HDAC8: variants seen among roughly 807,000 people sequenced by gnomAD.
HDAC8 encodes the protein histone deacetylase 8.
Under a neutral mutation model 32.2 loss-of-function variants are expected in HDAC8, and 1 was observed. That is an observed-to-expected ratio of 0.03 (90% CI 0.01 to 0.15). HDAC8 has a LOEUF of 0.15. Ranked by LOEUF, HDAC8 falls within the 10% of genes least tolerant of loss-of-function variation. The probability of loss-of-function intolerance (pLI) is 1.00; values close to 1 mark genes in which losing one functional copy is unlikely to be tolerated. For synonymous variants in HDAC8, 108 were observed against 113.9 expected (o/e 0.95, Z 0.33); for missense variants, 117 against 300.0 (o/e 0.39, Z 4.51).
chrX:72,443,562 A>G (rs1405287670), intron 9 of HDAC8, among the ~76,000 whole-genome samples: 1 of 111,918 alleles, frequency 8.9e-6, no homozygotes, highest in Non-Finnish European at 1.9e-5. Flanking sequence ...TTATAGCACT[A>G]AATGCCCACA....
intron 4 of HDAC8, among the ~76,000 whole-genome samples, chrX:72,545,767 C>T (rs186542135): frequency 1.7e-4 from 19 of 111,970 alleles, no homozygotes; most frequent in African/African-American, 4.2e-4. Flanking sequence ...TTGGTTTTGT[C>T]TAGTGATGTG....
chrX:72,350,891 G>GAAGGAGGCTAGGCCAGC (rs1332023566), intron 10 of HDAC8, among the ~76,000 whole-genome samples: 1 of 111,810 alleles, frequency 8.9e-6, no homozygotes, highest in Non-Finnish European at 1.9e-5. Context: ...GCTAGGCCGG[G>GAAGGAGGCTAGGCCAGC]AAGGAGGCTA....
intron 9 of HDAC8, among the ~76,000 whole-genome samples, chrX:72,439,576 G>A (rs782423864): frequency 4.4e-4 from 45 of 102,637 alleles, no homozygotes; most frequent in African/African-American, 1.1e-3. Context: ...CCCATCTCAC[G>A]TGCAAAGACA....
At chrX:72,512,621 G>A (rs2049625282) in intron 4 of HDAC8, among the ~76,000 whole-genome samples, 1 of 110,727 alleles carries the variant, frequency 9.0e-6, no homozygotes, top group South Asian at 3.9e-4. Flanking sequence ...TTTTACAATT[G>A]AGAAACAAAT....
At chrX:72,521,746 T>C (rs2147370077) in intron 4 of HDAC8, among the ~76,000 whole-genome samples, 1 of 111,642 alleles carries the variant, frequency 9.0e-6, no homozygotes, top group African/African-American at 3.3e-5. Context: ...CTTTATTTCC[T>C]TATTGTTCAT....
intron 9 of HDAC8, among the ~76,000 whole-genome samples, chrX:72,412,044 A>G (rs2046210942): frequency 8.9e-6 from 1 of 112,398 alleles, no homozygotes; most frequent in Non-Finnish European, 1.9e-5. Flanking sequence ...GCTCCAAGAA[A>G]TGGCTCTGGG....
intron 9 of HDAC8, among the ~76,000 whole-genome samples, chrX:72,431,916 G>T (rs1247042889): frequency 8.9e-6 from 1 of 111,917 alleles, no homozygotes; most frequent in African/African-American, 3.2e-5. Flanking sequence ...GCTTAGAGAG[G>T]TGAAGGCATT....
At chrX:72,535,006 A>G (rs1556038339) in intron 4 of HDAC8, among the ~76,000 whole-genome samples, 1 of 111,806 alleles carries the variant, frequency 8.9e-6, no homozygotes, top group Non-Finnish European at 1.9e-5. Flanking sequence ...GACAAGGGTC[A>G]TTTTTCTAGC....
Position 72,380,369 on chromosome X carries a change from G to C in HDAC8, c.1006-28531C>G, listed in dbSNP as rs144530288. On this transcript the variant is annotated intron_variant, in intron 9 of 10. Transcript: ENST00000373573. Reference sequence around the variant, plus strand: ...AGCCTTGCAAGTGGGGTCTTTCAAGGAACCACTAGACAGGCCAAATATTAA... The same window carrying C: ...AGCCTTGCAAGTGGGGTCTTTCAAGCAACCACTAGACAGGCCAAATATTAA... 5.8e-3 allele frequency among the ~76,000 whole-genome samples: 644 copies of C among 111,781 alleles called. 11 individuals carry two copies. The highest frequency in any genetic ancestry group is 0.02 in the African/African-American group (627 of 30,802).
At chrX:72,476,483 C>T (rs1197464800) in intron 7 of HDAC8, among the ~76,000 whole-genome samples, 2 of 111,391 alleles carry the variant, frequency 1.8e-5, no homozygotes, top group African/African-American at 3.3e-5. Context: ...ATAGTGTAGA[C>T]TGCATTCTGC....
chrX:72,388,609 C>T (rs2045524783), intron 9 of HDAC8, among the ~76,000 whole-genome samples: 1 of 108,426 alleles, frequency 9.2e-6, no homozygotes, highest in Non-Finnish European at 1.9e-5. Flanking sequence ...CACACACACA[C>T]ACACACACAC....
intron 9 of HDAC8, among the ~76,000 whole-genome samples, chrX:72,445,389 A>G (rs1371807005): frequency 8.9e-6 from 1 of 111,896 alleles, no homozygotes; most frequent in African/African-American, 3.3e-5. Flanking sequence ...CATATCTACA[A>G]CTATCTGATC....
In HDAC8 at chrX:72,441,825, C is replaced by G. The variant is rs1263915492; in HGVS notation, c.1005+20179G>C. 2.2e-4 allele frequency among the ~76,000 whole-genome samples: 24 copies of G among 111,468 alleles called. 2 individuals carry two copies. The Admixed American group carries it at 2.2e-3, about 10-fold the overall frequency. On this transcript the variant is annotated intron_variant, in intron 9 of 10. Coordinates refer to ENST00000373573, the MANE Select transcript of HDAC8 (RefSeq NM_018486.3). ...GAATGTATAACTAGAATAACCAATA[C>G]AGAGAAGTGTTTAAAGGAGCTGATG...
Position 72,572,839 on chromosome X carries a change from C to T in HDAC8, c.-78G>A. 2 of 835,362 alleles carry T rather than the reference C, an allele frequency of 2.4e-6. No individual in the cohort carries two copies. Among genetic ancestry groups the T allele is most frequent in the Non-Finnish European group, 3.6e-6 (2 of 560,610 alleles). The allele number at this position is 835,362 out of a possible 1,213,427, so 68.8% of individuals were successfully genotyped here. On this transcript the variant is annotated 5_prime_UTR_variant, in exon 1 of 11. Transcript: ENST00000373573. ...CTCGGCCAGGGTTCCAGTTCCTGCTCCTCTGATCGGCCGCAGCGGTGCTCC... is the reference window on the plus strand; with the variant it reads ...CTCGGCCAGGGTTCCAGTTCCTGCTTCTCTGATCGGCCGCAGCGGTGCTCC...
At chrX:72,489,784 G>A (rs2048801296) in intron 6 of HDAC8, among the ~76,000 whole-genome samples, 1 of 111,093 alleles carries the variant, frequency 9.0e-6, no homozygotes, top group African/African-American at 3.3e-5. Context: ...CTTCTGTACA[G>A]CAAAAGAAAC....
At chrX:72,544,313 C>T (rs1356397799) in intron 4 of HDAC8, among the ~76,000 whole-genome samples, 1 of 111,860 alleles carries the variant, frequency 8.9e-6, no homozygotes, top group African/African-American at 3.3e-5. Context: ...CAATATCCCA[C>T]TCCCCACACC....
intron 4 of HDAC8, among the ~76,000 whole-genome samples, chrX:72,514,969 T>C (rs972737010): frequency 8.9e-6 from 1 of 111,841 alleles, no homozygotes; most frequent in Non-Finnish European, 1.9e-5. Context: ...ATATGATGAT[T>C]TGAAATACAT....
intron 7 of HDAC8, among the ~76,000 whole-genome samples, chrX:72,475,989 G>A (rs1278218975): frequency 9.0e-6 from 1 of 111,241 alleles, no homozygotes; most frequent in Non-Finnish European, 1.9e-5. Context: ...ACGCCTTGTA[G>A]TAGGTAATTC....
chrX:72,523,456 C>T (rs1275371873), intron 4 of HDAC8, among the ~76,000 whole-genome samples: 1 of 111,587 alleles, frequency 9.0e-6, no homozygotes, highest in Non-Finnish European at 1.9e-5. Flanking sequence ...TGCCTCTCAC[C>T]CGTTTCTTAA....
Sources: allele counts gnomAD v4.1 joint callset (sites outside exome capture counted in the v4.1 genomes callset), GRCh38; gene constraint gnomAD v4.1.1; transcripts MANE v1.5; gene names NCBI Gene and HGNC (gene_info 2026-07-23, HGNC 2026-07-21).